CCDC91: variants seen among roughly 807,000 people sequenced by gnomAD.
The protein encoded by CCDC91 is coiled-coil domain containing 91.
CCDC91 carries 48 observed loss-of-function variants against 63.2 expected under a neutral mutation model. The ratio of observed to expected loss-of-function variants is 0.76; its 90% confidence interval spans 0.60 to 0.97. The LOEUF (loss-of-function observed/expected upper bound fraction) is 0.97. Ranked by LOEUF, CCDC91 falls within the 50% of genes least tolerant of loss-of-function variation. The probability of loss-of-function intolerance (pLI) is 0.00; values close to 1 mark genes in which losing one functional copy is unlikely to be tolerated. For missense variants in CCDC91, 500 were observed against 494.6 expected (o/e 1.01, Z -0.10); for synonymous variants, 167 against 165.8 (o/e 1.01, Z -0.06).
intron 6 of CCDC91, chr12:28,319,373 A>T (rs1463583722): frequency 6.6e-6 from 1 of 152,020 alleles, no homozygotes; most frequent in Non-Finnish European, 1.5e-5. Flanking sequence ...ATGATTCTGC[A>T]TAAAGTCTTT....
intron 8 of CCDC91, among the ~76,000 whole-genome samples, chr12:28,447,955 A>G (rs1288716546): frequency 3.3e-5 from 5 of 152,074 alleles, no homozygotes; most frequent in Non-Finnish European, 5.9e-5. Flanking sequence ...TAATAATAGT[A>G]GTAGTCTGAA....
rs537227129 is a variant in CCDC91, at chr12:28,374,045, G to A, written c.654+11530G>A. 1.2e-4 allele frequency among the ~76,000 whole-genome samples: 18 copies of A among 152,240 alleles called. No homozygotes were observed. In the South Asian group the frequency reaches 3.7e-3, roughly 32 times the overall value. On this transcript the variant is annotated intron_variant, in intron 7 of 12. Transcript: ENST00000536442. ...TTCTTGATAAATTACCCAGTCTTGT[G>A]TATTTCCTTCTAGCAATGTGAGAAC...
chr12:28,275,262 A>G (rs1355803325), intron 3 of CCDC91, among the ~76,000 whole-genome samples: 1 of 152,122 alleles, frequency 6.6e-6, no homozygotes, highest in African/African-American at 2.4e-5. Context: ...AATCAAATAG[A>G]TGCAATAAAA....
At chr12:28,332,854 T>G (rs1941620684) in intron 6 of CCDC91, among the ~76,000 whole-genome samples, 1 of 148,886 alleles carries the variant, frequency 6.7e-6, no homozygotes, top group Non-Finnish European at 1.5e-5. Context: ...AACACAAGTG[T>G]TTTTTTTTTC....
rs1285079070 is a variant in CCDC91, at chr12:28,305,070, G to T, written c.110-579G>T. ...AAAACCTTTTGTTTGTTACAAAAGAGACTTTAATGCAGATATTGTTGGATT... is the reference window on the plus strand; with the variant it reads ...AAAACCTTTTGTTTGTTACAAAAGATACTTTAATGCAGATATTGTTGGATT... On this transcript the variant is annotated intron_variant, in intron 3 of 12. Coordinates refer to ENST00000536442, the MANE Select transcript of CCDC91 (RefSeq NM_018318.5). Among the ~76,000 whole-genome samples, 4 of 152,210 alleles carry T rather than the reference G, an allele frequency of 2.6e-5. No homozygotes were observed. The East Asian group carries it at 7.7e-4, about 29-fold the overall frequency.
In CCDC91 at chr12:28,366,846, T is replaced by C. The variant is rs79511858; in HGVS notation, c.654+4331T>C. Among the ~76,000 whole-genome samples the C allele has an allele frequency of 9.2e-3, 1,400 of 152,128 alleles. 27 individuals carry two copies. The highest frequency in any genetic ancestry group is 0.032 in the African/African-American group (1,331 of 41,486). ...TTACTCCTCACAGCCGGACTGGTATTGATGGAGGCCTGGTGGGAAGCTGAA... is the reference window on the plus strand; with the variant it reads ...TTACTCCTCACAGCCGGACTGGTATCGATGGAGGCCTGGTGGGAAGCTGAA... On this transcript the variant is annotated intron_variant, in intron 7 of 12. Coordinates refer to ENST00000536442, the MANE Select transcript of CCDC91 (RefSeq NM_018318.5).
intron 12 of CCDC91, among the ~76,000 whole-genome samples, chr12:28,527,391 A>G (rs577868230): frequency 3.3e-5 from 5 of 152,326 alleles, no homozygotes; most frequent in Non-Finnish European, 5.9e-5. Context: ...ATAGCCACCT[A>G]GCAAATGTAT....
chr12:28,489,013 G>T (rs913435526), intron 12 of CCDC91, among the ~76,000 whole-genome samples: 2 of 151,950 alleles, frequency 1.3e-5, no homozygotes, highest in African/African-American at 4.8e-5. Context: ...ACTAACTGGT[G>T]TCATGCTTCA....
At chr12:28,496,340 T>C (rs544369289) in intron 12 of CCDC91, among the ~76,000 whole-genome samples, 4 of 151,644 alleles carry the variant, frequency 2.6e-5, no homozygotes, top group African/African-American at 9.7e-5. Flanking sequence ...AAATAGATGC[T>C]ATACAGAGAC....
At chr12:28,340,435 A>G (rs917472201) in intron 6 of CCDC91, among the ~76,000 whole-genome samples, 4 of 152,238 alleles carry the variant, frequency 2.6e-5, no homozygotes, top group African/African-American at 9.6e-5. Context: ...TTATGAAAAT[A>G]GCTTATGAAC....
chr12:28,354,680 G>A (rs1203404573), intron 6 of CCDC91, among the ~76,000 whole-genome samples: 1 of 152,160 alleles, frequency 6.6e-6, no homozygotes, highest in Admixed American at 6.5e-5. Context: ...ATTTTAAAAT[G>A]TGTTGAGAAG....
At chr12:28,322,103 A>G (rs1285289867) in intron 6 of CCDC91, among the ~76,000 whole-genome samples, 3 of 151,860 alleles carry the variant, frequency 2.0e-5, no homozygotes, top group Non-Finnish European at 4.4e-5. Flanking sequence ...AAAAATTTCT[A>G]GGAAAATAAT....
chr12:28,337,640 G>A (rs1942089284), intron 6 of CCDC91, among the ~76,000 whole-genome samples: 1 of 151,626 alleles, frequency 6.6e-6, no homozygotes, highest in South Asian at 2.1e-4. Context: ...TACATTGTCA[G>A]TGCTTATCTC....
chr12:28,331,375 C>T (rs553322029), intron 6 of CCDC91, among the ~76,000 whole-genome samples: 6 of 152,238 alleles, frequency 3.9e-5, no homozygotes, highest in East Asian at 1.9e-4. Context: ...GAGGAAAAAA[C>T]GTCAGGCTGG....
chr12:28,216,742 A>C (rs991357522), intron 1 of CCDC91, among the ~76,000 whole-genome samples: 2 of 152,070 alleles, frequency 1.3e-5, no homozygotes, highest in Non-Finnish European at 2.9e-5. Flanking sequence ...AAATTTCTTG[A>C]TGGCTTTAAG....
intron 3 of CCDC91, among the ~76,000 whole-genome samples, chr12:28,287,675 G>T (rs1401396482): frequency 6.6e-6 from 1 of 152,088 alleles, no homozygotes; most frequent in African/African-American, 2.4e-5. Context: ...CTTTGCTTAG[G>T]ATTGCTTTGG....
chr12:28,484,151 A>C lies in CCDC91; in HGVS notation c.1201A>C (p.Lys401Gln). The change falls in exon 12 of 13, where the codon AAA becomes CAA. Residue 401 changes from lysine to glutamine, a missense_variant. By Grantham distance (53) the Lys-to-Gln change is moderately conservative. Coordinates refer to ENST00000536442, the MANE Select transcript of CCDC91 (RefSeq NM_018318.5). ...RTRDELIEYI[K>Q]EQKRLDQVIR... Reference sequence around the variant, plus strand: ...AAGAGATGAATTGATAGAGTATATAAAAGAACAGAAAAGGGTAAGTATCTC... The same window carrying C: ...AAGAGATGAATTGATAGAGTATATACAAGAACAGAAAAGGGTAAGTATCTC... The C allele has an allele frequency of 3.1e-6, 5 of 1,593,486 alleles. No individual in the cohort carries two copies. The highest frequency in any genetic ancestry group is 4.3e-6 in the Non-Finnish European group (5 of 1,165,724).
rs751250531 is a variant in CCDC91 at position 28,306,845 on chromosome 12, A to T, written c.371A>T (p.Asp124Val). 6.2e-7 allele frequency: 1 copy of T among 1,612,306 alleles called. No individual in the cohort carries two copies. The highest frequency in any genetic ancestry group is 8.5e-7 in the Non-Finnish European group (1 of 1,178,726). Residue 124 changes from aspartate to valine, a missense_variant, in exon 5 of 13, where the codon GAT becomes GTT. By Grantham distance (152) the Asp-to-Val change is radical (BLOSUM62 -3). Coordinates refer to ENST00000536442, the MANE Select transcript of CCDC91 (RefSeq NM_018318.5). ...GTIALVDDSE[D>V]PGANVSNIQL... ...ATTGCCCTTGTGGATGATTCTGAGG[A>T]TCCTGGAGCCAATGTATCTAACATA...
intron 12 of CCDC91, among the ~76,000 whole-genome samples, chr12:28,488,852 A>G (rs1951856737): frequency 6.6e-6 from 1 of 151,962 alleles, no homozygotes; most frequent in Non-Finnish European, 1.5e-5. Flanking sequence ...TTAAAATGTA[A>G]ATTTTGGTTT....
Sources: allele counts gnomAD v4.1 joint callset (sites outside exome capture counted in the v4.1 genomes callset), GRCh38; gene constraint gnomAD v4.1.1; transcripts MANE v1.5; gene names NCBI Gene and HGNC (gene_info 2026-07-23, HGNC 2026-07-21).